Variants in CNTN4 observed in about 807,000 individuals in gnomAD.
The protein encoded by CNTN4 is contactin-4.
Under a neutral mutation model 122.5 loss-of-function variants are expected in CNTN4, and 77 were observed. The observed-to-expected ratio is 0.63, with a 90% CI of 0.52 to 0.76. The LOEUF (loss-of-function observed/expected upper bound fraction) is 0.76, where lower values mean the gene tolerates loss of function less well. Among genes scored for constraint, CNTN4 ranks in the 30% least tolerant of loss-of-function variants. The pLI is 0.00. For synonymous variants in CNTN4, 512 were observed against 447.0 expected, an observed-to-expected ratio of 1.15 and a Z score of -1.83; for missense variants, 1,256 against 1,259.1, an observed-to-expected ratio of 1.00 and a Z score of 0.04.
intron 3 of CNTN4, among the ~76,000 whole-genome samples, chr3:2,426,087 A>G (rs913392441): frequency 2.0e-4 from 31 of 152,200 alleles, no homozygotes; most frequent in African/African-American, 7.5e-4. Flanking sequence ...TGCCCTGGCC[A>G]GAACTTCCAA....
At chr3:2,259,397 A>G (rs946216513) in intron 2 of CNTN4, among the ~76,000 whole-genome samples, 3 of 152,212 alleles carry the variant, frequency 2.0e-5, no homozygotes, top group Non-Finnish European at 4.4e-5. Context: ...CTAATCTCAG[A>G]GTTGCAAATG....
chr3:2,282,145 A>G (rs2041739275), intron 2 of CNTN4, among the ~76,000 whole-genome samples: 1 of 152,062 alleles, frequency 6.6e-6, no homozygotes, highest in African/African-American at 2.4e-5. Context: ...ATTTTATTTT[A>G]TGGTTGATTT....
At chr3:2,866,226 C>G (rs1025246316) in intron 7 of CNTN4, among the ~76,000 whole-genome samples, 1 of 152,116 alleles carries the variant, frequency 6.6e-6, no homozygotes, top group Non-Finnish European at 1.5e-5. Context: ...TACTCTGTTC[C>G]TAGGTGCCCG....
At chr3:2,280,842 GA>G (rs1431925004) in intron 2 of CNTN4, among the ~76,000 whole-genome samples, 6 of 152,294 alleles carry the variant, frequency 3.9e-5, no homozygotes, top group Admixed American at 6.5e-5. Flanking sequence ...GAAACATTAT[GA>G]GAATGACACA....
chr3:2,484,622 C>T (rs929985904), intron 3 of CNTN4, among the ~76,000 whole-genome samples: 1 of 152,194 alleles, frequency 6.6e-6, no homozygotes, highest in Non-Finnish European at 1.5e-5. Context: ...TGAACTGTCA[C>T]CCAGAAGGCT....
chr3:2,473,741 G>A (rs1220119390), intron 3 of CNTN4, among the ~76,000 whole-genome samples: 1 of 152,094 alleles, frequency 6.6e-6, no homozygotes, highest in African/African-American at 2.4e-5. Context: ...GGCCAGGCGC[G>A]GTGGCTCATG....
chr3:2,169,999 A>G (rs934519921), intron 2 of CNTN4, among the ~76,000 whole-genome samples: 7 of 152,172 alleles, frequency 4.6e-5, no homozygotes, highest in African/African-American at 1.7e-4. Context: ...AAATGAAACT[A>G]GTTATTAGCT....
chr3:2,421,733 G>C (rs188645885), intron 3 of CNTN4, among the ~76,000 whole-genome samples: 4 of 152,150 alleles, frequency 2.6e-5, no homozygotes, highest in Non-Finnish European at 5.9e-5. Context: ...AAGACCATTT[G>C]TAATACAATT....
intron 3 of CNTN4, among the ~76,000 whole-genome samples, chr3:2,402,186 G>A (rs1227387013): frequency 1.3e-5 from 2 of 152,060 alleles, no homozygotes; most frequent in Non-Finnish European, 2.9e-5. Context: ...CCTTGCAGCT[G>A]AATTTAATGG....
Position 3,056,165 on chromosome 3 carries a change from C to T in CNTN4, c.3026C>T (p.Thr1009Met), listed in dbSNP as rs144517895. 1.1e-5 allele frequency: 18 copies of T among 1,613,994 alleles called. No homozygotes were observed. The highest frequency in any genetic ancestry group is 7.7e-5 in the South Asian group (7 of 91,092). The change falls in exon 25 of 25, where the codon ACG becomes ATG. Residue 1009 changes from threonine (T) to methionine (M), a missense_variant. Physicochemically the swap from Thr to Met is moderately conservative, Grantham distance 81. Transcript: ENST00000418658. ...GGGGCTTCCACTTCGAATGCATGTA[C>T]GCTGTCAGCCATCAGTACAATAATG... ...GSGASTSNAC[T>M]LSAISTIMIS...
At chr3:2,965,761 C>T (rs530384716) in intron 13 of CNTN4, among the ~76,000 whole-genome samples, 2 of 152,120 alleles carry the variant, frequency 1.3e-5, no homozygotes, top group Admixed American at 6.5e-5. Context: ...CTTTCTGAAC[C>T]CACCAGCCCC....
At chr3:2,878,553 CTGTGTGTGTG>C (rs60925207) in intron 8 of CNTN4, among the ~76,000 whole-genome samples, 47 of 146,842 alleles carry the variant, frequency 3.2e-4, no homozygotes, top group African/African-American at 9.3e-4. Flanking sequence ...GAGATGCTCT[CTGTGTGTGTG>C]TGTGTGTGTG....
intron 4 of CNTN4, among the ~76,000 whole-genome samples, chr3:2,695,893 G>A (rs1030607460): frequency 6.6e-6 from 1 of 152,152 alleles, no homozygotes; most frequent in Non-Finnish European, 1.5e-5. Flanking sequence ...AGAAGTTAAG[G>A]CACTGAGGTA....
At chr3:2,492,078 T>G (rs1210011453) in intron 3 of CNTN4, among the ~76,000 whole-genome samples, 5 of 152,186 alleles carry the variant, frequency 3.3e-5, no homozygotes. Context: ...CTTTCTGCAT[T>G]TATTCAATAA....
intron 4 of CNTN4, among the ~76,000 whole-genome samples, chr3:2,584,040 A>G (rs1247127885): frequency 1.3e-5 from 2 of 152,212 alleles, no homozygotes; most frequent in Admixed American, 1.3e-4. Context: ...ATAGTTGCTC[A>G]GTGTATGAGC....
intron 8 of CNTN4, among the ~76,000 whole-genome samples, chr3:2,878,553 C>CTCTGTGTGTGTGTGTGTGTG (rs930160038): frequency 5.4e-5 from 8 of 146,844 alleles, no homozygotes; most frequent in Non-Finnish European, 9.0e-5. Flanking sequence ...GAGATGCTCT[C>CTCTGTGTGTGTGTGTGTGTG]TGTGTGTGTG....
At chr3:2,930,313 A>G (rs1316602270) in intron 13 of CNTN4, among the ~76,000 whole-genome samples, 1 of 152,190 alleles carries the variant, frequency 6.6e-6, no homozygotes, top group African/African-American at 2.4e-5. Context: ...TTATTGTTAT[A>G]CTAGAGAGAA....
At chr3:2,664,402 T>A (rs2084047657) in intron 4 of CNTN4, among the ~76,000 whole-genome samples, 1 of 145,686 alleles carries the variant, frequency 6.9e-6, no homozygotes, top group South Asian at 2.2e-4. Flanking sequence ...GGCATTTAGA[T>A]CATCACCTAT....
intron 2 of CNTN4, among the ~76,000 whole-genome samples, chr3:2,239,351 A>G (rs9878995): frequency 0.034 from 5,139 of 152,234 alleles, 300 homozygotes; most frequent in African/African-American, 0.12. Flanking sequence ...ATTGAGTCCT[A>G]ACTCTGCTAA....
Sources: allele counts gnomAD v4.1 joint callset (sites outside exome capture counted in the v4.1 genomes callset), GRCh38; gene constraint gnomAD v4.1.1; transcripts MANE v1.5; gene names NCBI Gene and HGNC (gene_info 2026-07-23, HGNC 2026-07-21).